The following LUZP2 variants were observed in gnomAD, a reference collection of about 807,000 sequenced individuals.
The protein encoded by LUZP2 is leucine zipper protein 2.
A neutral mutation model predicts 51.6 loss-of-function variants in LUZP2; 52 were observed. The observed-to-expected ratio is 1.01, with a 90% CI of 0.81 to 1.27. LUZP2 has a LOEUF of 1.27. Among genes scored for constraint, LUZP2 ranks in the 50% most tolerant of loss-of-function variants. The pLI is 0.00. For missense variants in LUZP2, 436 were observed against 395.4 expected, an observed-to-expected ratio of 1.10 and a Z score of -0.87; for synonymous variants, 154 against 137.3, an observed-to-expected ratio of 1.12 and a Z score of -0.85.
At chr11:25,030,140 T>C (rs1305791131) in intron 9 of LUZP2, among the ~76,000 whole-genome samples, 2 of 152,194 alleles carry the variant, frequency 1.3e-5, no homozygotes, top group African/African-American at 4.8e-5. Flanking sequence ...TTCTCCCATA[T>C]ACATTTGTCT....
intron 5 of LUZP2, among the ~76,000 whole-genome samples, chr11:24,886,189 A>G (rs1852662593): frequency 6.6e-6 from 1 of 152,200 alleles, no homozygotes; most frequent in Admixed American, 6.5e-5. Context: ...AATGATTTGA[A>G]AAATACTTTT....
At chr11:24,999,392 TGG>T (rs1033289426) in intron 9 of LUZP2, among the ~76,000 whole-genome samples, 1 of 125,068 alleles carries the variant, frequency 8.0e-6, no homozygotes, top group Non-Finnish European at 1.7e-5. Flanking sequence ...AGCAGGAAGA[TGG>T]GGAGGAGGAG....
intron 1 of LUZP2, among the ~76,000 whole-genome samples, chr11:24,679,234 A>T (rs1422633334): frequency 6.6e-6 from 1 of 152,318 alleles, no homozygotes; most frequent in South Asian, 2.1e-4. Flanking sequence ...TATTTACTCA[A>T]ATATTAGAGC....
chr11:24,545,551 C>T (rs1851511503), intron 1 of LUZP2, among the ~76,000 whole-genome samples: 1 of 72,884 alleles, frequency 1.4e-5, no homozygotes, highest in African/African-American at 4.5e-5. Flanking sequence ...TTCATTGTTG[C>T]TTGCTTTTTT....
intron 1 of LUZP2, among the ~76,000 whole-genome samples, chr11:24,602,785 A>G (rs867129622): frequency 6.6e-6 from 1 of 151,742 alleles, no homozygotes; most frequent in Non-Finnish European, 1.5e-5. Flanking sequence ...CTCTGTTTTC[A>G]AGCTTGCTCA....
At chr11:24,845,849 C>T (rs2716518) in intron 5 of LUZP2, among the ~76,000 whole-genome samples, 23,068 of 152,000 alleles carry the variant, frequency 0.15, 1,925 homozygotes, top group African/African-American at 0.2. Context: ...CATAAGTCTA[C>T]GAAGCCTCTT....
rs374107992 is a variant in LUZP2 at position 24,936,888 on chromosome 11, C to A, written c.522+22350C>A. ...AGCTCATAACTAGCGTATCTTCCCA[C>A]CCTGCTTCAGTCATTGCTACTACTC... On this transcript the variant is annotated intron_variant, in intron 7 of 11. Coordinates refer to ENST00000336930, the MANE Select transcript of LUZP2 (RefSeq NM_001009909.4). Among the ~76,000 whole-genome samples, 50 of 152,294 alleles carry A rather than the reference C, an allele frequency of 3.3e-4. 1 individual carries two copies. The South Asian group carries it at 0.01, about 31-fold the overall frequency.
At chr11:24,987,470 T>A (rs1030887368) in intron 9 of LUZP2, among the ~76,000 whole-genome samples, 1 of 151,940 alleles carries the variant, frequency 6.6e-6, no homozygotes, top group Non-Finnish European at 1.5e-5. Context: ...GCAATGAAAC[T>A]GTGCTATGAA....
chr11:25,064,594 G>T (rs1278383366), intron 10 of LUZP2, among the ~76,000 whole-genome samples: 1 of 152,022 alleles, frequency 6.6e-6, no homozygotes, highest in Non-Finnish European at 1.5e-5. Context: ...AAATCTCATG[G>T]AATTTCAAAT....
At chr11:24,567,158 GAC>G (rs1852275145) in intron 1 of LUZP2, among the ~76,000 whole-genome samples, 1 of 150,708 alleles carries the variant, frequency 6.6e-6, no homozygotes, top group South Asian at 2.1e-4. Flanking sequence ...TAATTTTTAA[GAC>G]ACATGGCAAT....
intron 9 of LUZP2, among the ~76,000 whole-genome samples, chr11:25,035,312 T>G (rs1045746117): frequency 1.3e-5 from 2 of 152,130 alleles, no homozygotes; most frequent in African/African-American, 4.8e-5. Context: ...AAAAGGCTTT[T>G]ATAACTGATA....
chr11:25,048,272 C>T (rs899467678), intron 9 of LUZP2, among the ~76,000 whole-genome samples: 1 of 152,134 alleles, frequency 6.6e-6, no homozygotes, highest in African/African-American at 2.4e-5. Flanking sequence ...AAATGTTTTC[C>T]TTCACCTGGA....
intron 9 of LUZP2, among the ~76,000 whole-genome samples, chr11:24,991,376 ATGTGTGTGTGTGTGTGTG>A (rs745691448): frequency 2.4e-5 from 3 of 126,184 alleles, no homozygotes; most frequent in Non-Finnish European, 3.4e-5. Context: ...GTGTATATAT[ATGTGTGTGTGTGTGTGTG>A]TGTATATATA....
At chr11:25,048,175 T>C (rs1005904344) in intron 9 of LUZP2, among the ~76,000 whole-genome samples, 1 of 152,146 alleles carries the variant, frequency 6.6e-6, no homozygotes, top group East Asian at 1.9e-4. Context: ...TCTCTACTTT[T>C]TAGTATTTTA....
At chr11:24,819,733 A>C (rs1259335147) in intron 5 of LUZP2, among the ~76,000 whole-genome samples, 1 of 151,416 alleles carries the variant, frequency 6.6e-6, no homozygotes, top group Admixed American at 6.6e-5. Flanking sequence ...TAATCAAATA[A>C]TTTTTTTCTC....
chr11:24,738,232 A>G lies in LUZP2; in HGVS notation c.263A>G (p.Lys88Arg), dbSNP rs770142501. Residue 88 changes from lysine (K) to arginine (R), a missense_variant, in exon 4 of 12, where the codon AAG becomes AGG. Physicochemically the swap from Lys to Arg is conservative, Grantham distance 26. Coordinates refer to ENST00000336930, the MANE Select transcript of LUZP2 (RefSeq NM_001009909.4). ...TTCTACTAAAATAGAGAAGAAATGAAGTCTCTTCAGGAGGCCCTGCAAAAT... is the reference window on the plus strand; with the variant it reads ...TTCTACTAAAATAGAGAAGAAATGAGGTCTCTTCAGGAGGCCCTGCAAAAT... ...ELGQKQREEM[K>R]SLQEALQNQL... is the part of the protein sequence containing the mutation. 4 of 1,606,850 alleles carry G rather than the reference A, an allele frequency of 2.5e-6. No homozygotes were observed. In the Admixed American group the frequency reaches 6.7e-5, roughly 27 times the overall value.
intron 1 of LUZP2, among the ~76,000 whole-genome samples, chr11:24,593,108 A>T (rs1042933885): frequency 6.6e-6 from 1 of 152,096 alleles, no homozygotes; most frequent in African/African-American, 2.4e-5. Context: ...CCTTGAGGAG[A>T]GTGCTACTAC....
chr11:24,768,152 G>C (rs576399367), intron 5 of LUZP2, among the ~76,000 whole-genome samples: 3 of 150,722 alleles, frequency 2.0e-5, no homozygotes, highest in East Asian at 3.9e-4. Context: ...TTCCTTTTTT[G>C]ATACAGGGTC....
chr11:25,077,964 G>A (rs1859363825), intron 11 of LUZP2, among the ~76,000 whole-genome samples: 1 of 152,094 alleles, frequency 6.6e-6, no homozygotes, highest in African/African-American at 2.4e-5. Context: ...TCAAGGGTGA[G>A]GGGAGTTCTT....
Sources: gnomAD v4.1 joint callset for allele counts (sites outside exome capture counted in the v4.1 genomes callset) on GRCh38, gnomAD v4.1.1 for gene constraint, MANE v1.5 for transcripts, NCBI Gene and HGNC (gene_info 2026-07-23, HGNC 2026-07-21) for gene names.